The following NRXN1 variants were observed in gnomAD, a reference collection of about 807,000 sequenced individuals.
NRXN1 encodes the protein neurexin 1, also known as neurexin-1.
Under a neutral mutation model 150.9 loss-of-function variants are expected in NRXN1, and 39 were observed. The ratio of observed to expected loss-of-function variants is 0.26; its 90% CI spans 0.20 to 0.34. The LOEUF is 0.34. Among genes scored for constraint, NRXN1 ranks in the 10% least tolerant of loss-of-function variants. The pLI, the probability that NRXN1 is intolerant of heterozygous loss-of-function variation, is 1.00. For missense variants in NRXN1, 1,815 were observed against 1,949.9 expected (o/e 0.93, Z 1.30); for synonymous variants, 924 against 757.0 (o/e 1.22, Z -3.62).
At position 50,014,564 on chromosome 2, in the gene NRXN1, C is replaced by G. The variant is rs533102907; in HGVS notation, c.4128+38707G>C. On this transcript the variant is annotated intron_variant, in intron 21 of 22. Transcript: ENST00000401669. Reference sequence around the variant, plus strand: ...AATCGAAAGTGTCTCCAGACATTGCCAAATACTCGAGGGCAAAATCTCCCT... The same window carrying G: ...AATCGAAAGTGTCTCCAGACATTGCGAAATACTCGAGGGCAAAATCTCCCT... Among the ~76,000 whole-genome samples the G allele has an allele frequency of 4.6e-5, 7 of 152,244 alleles. No individual in the cohort carries two copies. In the East Asian group the frequency reaches 1.4e-3, roughly 29 times the overall value.
intron 18 of NRXN1, among the ~76,000 whole-genome samples, chr2:50,205,299 C>T (rs527829686): frequency 6.6e-6 from 1 of 152,022 alleles, no homozygotes; most frequent in East Asian, 1.9e-4. Flanking sequence ...AGTGTAAGTG[C>T]TATAAAAGTA....
intron 12 of NRXN1, among the ~76,000 whole-genome samples, chr2:50,516,203 A>G (rs1217544146): frequency 6.6e-6 from 1 of 152,160 alleles, no homozygotes; most frequent in African/African-American, 2.4e-5. Flanking sequence ...TGAGCCACAT[A>G]ATTTGAGAGT....
intron 5 of NRXN1, among the ~76,000 whole-genome samples, chr2:50,768,007 C>T (rs1038659191): frequency 1.3e-5 from 2 of 152,084 alleles, no homozygotes; most frequent in African/African-American, 4.8e-5. Context: ...TTATCATATT[C>T]TGCATTTGTT....
Position 50,252,258 on chromosome 2 carries a change from C to CTTTTTTTTTTTTTTTTTTTTTTTTTTT in NRXN1, c.3365-15289_3365-15288insAAAAAAAAAAAAAAAAAAAAAAAAAAA, listed in dbSNP as rs143522284. On this transcript the variant is annotated intron_variant, in intron 17 of 22. Coordinates refer to ENST00000401669, the MANE Select transcript of NRXN1 (RefSeq NM_001330078.2). ...CTTTTTTTTTTTTCTTTTTTCTTTT[C>CTTTTTTTTTTTTTTTTTTTTTTTTTTT]TTTTTTTTTTTTTTTTTTTGAGACA... Among the ~76,000 whole-genome samples the CTTTTTTTTTTTTTTTTTTTTTTTTTTT allele has an allele frequency of 2.0e-4, 14 of 69,710 alleles. 1 individual carries two copies. The highest frequency in any genetic ancestry group is 6.8e-4 in the Admixed American group (3 of 4,436). 45.7% of individuals were successfully genotyped at this position (69,710 alleles called of 152,430 possible). A position where few individuals can be genotyped will look rare whatever the true frequency, so the allele number is the denominator to read the frequency against.
chr2:50,155,929 A>G (rs542218059), intron 18 of NRXN1, among the ~76,000 whole-genome samples: 1 of 151,810 alleles, frequency 6.6e-6, no homozygotes, highest in East Asian at 1.9e-4. Context: ...ATGTTCTTAA[A>G]AAAGTAGAAA....
intron 5 of NRXN1, among the ~76,000 whole-genome samples, chr2:50,683,646 A>AAAAAAAAAAAAAAAAAAAAAAAAAT: frequency 6.7e-5 from 1 of 14,906 alleles, no homozygotes; most frequent in African/African-American, 3.6e-4. Flanking sequence ...AAAAAAAAAA[A>AAAAAAAAAAAAAAAAAAAAAAAAAT]ATATATATAT....
rs1349738653 is a variant in NRXN1 at position 50,022,252 on chromosome 2, G to T, written c.4128+31019C>A. ...CCGCCTCAGCCTCCCAAAGTGCTGG[G>T]ATTACAGGCATGAGCCACTGCGCCC... On this transcript the variant is annotated intron_variant, in intron 21 of 22. Transcript: ENST00000401669. Among the ~76,000 whole-genome samples, 5 of 152,216 alleles carry T rather than the reference G, an allele frequency of 3.3e-5. No individual in the cohort carries two copies. The East Asian group carries it at 9.6e-4, about 29-fold the overall frequency.
intron 8 of NRXN1, among the ~76,000 whole-genome samples, chr2:50,569,920 A>G (rs971517408): frequency 6.6e-6 from 1 of 152,188 alleles, no homozygotes; most frequent in African/African-American, 2.4e-5. Flanking sequence ...AGCACTGTGA[A>G]GGATTATAAA....
chr2:50,434,043 ATTTTTTTTTTTTTTTTTT>A (rs748364051), intron 17 of NRXN1, among the ~76,000 whole-genome samples: 3 of 72,154 alleles, frequency 4.2e-5, no homozygotes, highest in Non-Finnish European at 8.0e-5. Flanking sequence ...TATCTAAGCC[ATTTTTTTTTTTTTTTTTT>A]TTTTTTTTTT....
At chr2:50,538,898 G>C (rs1001060705) in intron 9 of NRXN1, among the ~76,000 whole-genome samples, 16 of 151,608 alleles carry the variant, frequency 1.1e-4, no homozygotes, top group African/African-American at 3.4e-4. Flanking sequence ...TAGTGTTTGA[G>C]AGCCTCAAAC....
At chr2:49,972,416 G>A (rs1223004997) in intron 21 of NRXN1, among the ~76,000 whole-genome samples, 1 of 152,084 alleles carries the variant, frequency 6.6e-6, no homozygotes, top group Non-Finnish European at 1.5e-5. Context: ...AAGTCAGAAG[G>A]AAAATAATAG....
chr2:50,344,236 G>A (rs960758146), intron 17 of NRXN1, among the ~76,000 whole-genome samples: 3 of 152,068 alleles, frequency 2.0e-5, no homozygotes, highest in African/African-American at 7.2e-5. Flanking sequence ...CCCACCCTGA[G>A]AGGCTTATTT....
At chr2:50,050,818 C>A (rs1692598937) in intron 21 of NRXN1, among the ~76,000 whole-genome samples, 1 of 151,886 alleles carries the variant, frequency 6.6e-6, no homozygotes, top group Admixed American at 6.6e-5. Flanking sequence ...GTGTTGTTAT[C>A]TGTATTCATA....
intron 17 of NRXN1, among the ~76,000 whole-genome samples, chr2:50,269,975 T>C (rs749612399): frequency 2.2e-4 from 33 of 152,162 alleles, no homozygotes; most frequent in South Asian, 6.2e-4. Flanking sequence ...TAAAACAAAA[T>C]TAAATTAAAT....
chr2:49,943,162 A>C (rs1051882926), intron 22 of NRXN1, among the ~76,000 whole-genome samples: 1 of 152,208 alleles, frequency 6.6e-6, no homozygotes, highest in Non-Finnish European at 1.5e-5. Context: ...CTTGAATTTT[A>C]GGGAAACATG....
intron 18 of NRXN1, among the ~76,000 whole-genome samples, chr2:50,229,756 C>A (rs1462001405): frequency 6.6e-6 from 1 of 152,018 alleles, no homozygotes; most frequent in Non-Finnish European, 1.5e-5. Context: ...TTATAAATTG[C>A]ATTATAGGTG....
At chr2:50,659,206 A>G (rs1356990654) in intron 5 of NRXN1, among the ~76,000 whole-genome samples, 1 of 152,062 alleles carries the variant, frequency 6.6e-6, no homozygotes, top group Non-Finnish European at 1.5e-5. Context: ...CACTATAAGT[A>G]TATAAGCAAT....
At chr2:50,929,905 G>T (rs1479064337) in intron 2 of NRXN1, among the ~76,000 whole-genome samples, 1 of 152,070 alleles carries the variant, frequency 6.6e-6, no homozygotes, top group Admixed American at 6.6e-5. Flanking sequence ...GGGAAATGGA[G>T]GAAATCATTG....
chr2:50,464,070 T>C (rs1177219119), intron 17 of NRXN1: 1 of 119,638 alleles, frequency 8.4e-6, no homozygotes, highest in Non-Finnish European at 1.7e-5. Context: ...CTGCTATATG[T>C]ATATATATTT....
Sources: gnomAD v4.1 joint callset for allele counts (sites outside exome capture counted in the v4.1 genomes callset) on GRCh38, gnomAD v4.1.1 for gene constraint, MANE v1.5 for transcripts, NCBI Gene and HGNC (gene_info 2026-07-23, HGNC 2026-07-21) for gene names.